TRIM66: variants seen among roughly 807,000 people sequenced by gnomAD.
The protein encoded by TRIM66 is tripartite motif containing 66.
A neutral mutation model predicts 148.2 loss-of-function variants in TRIM66; 99 were observed. That is an observed-to-expected ratio of 0.67 (90% CI 0.57 to 0.79). TRIM66 has a LOEUF of 0.79. Among genes scored for constraint, TRIM66 ranks in the 30% least tolerant of loss-of-function variants. The pLI, the probability that TRIM66 is intolerant of heterozygous loss-of-function variation, is 0.00. For missense variants in TRIM66, 1,666 were observed against 1,697.9 expected, an observed-to-expected ratio of 0.98 and a Z score of 0.33; for synonymous variants, 616 against 635.9, an observed-to-expected ratio of 0.97 and a Z score of 0.47.
intron 6 of TRIM66, chr11:8,663,010 C>G (rs907178773): frequency 3.3e-5 from 5 of 152,164 alleles, no homozygotes; most frequent in African/African-American, 7.2e-5. Context: ...GCCAAAAAAG[C>G]AAATAGCCCC....
At chr11:8,650,278 T>G (rs1020972842) in intron 7 of TRIM66, among the ~76,000 whole-genome samples, 4 of 151,228 alleles carry the variant, frequency 2.6e-5, no homozygotes, top group African/African-American at 9.7e-5. Flanking sequence ...GAGACTGAGG[T>G]GGGAAGATCG....
chr11:8,619,275 C>G (rs2033967709), intron 23 of TRIM66, 108 bp downstream of exon 23: 2 of 1,302,094 alleles, frequency 1.5e-6, no homozygotes, highest in Non-Finnish European at 2.1e-6. Flanking sequence ...AATCTGCTCC[C>G]CAGTCCTCAT....
intron 19 of TRIM66, 67 bp downstream of exon 19, chr11:8,621,578 C>G (rs1011386345): frequency 2.8e-6 from 4 of 1,453,004 alleles, no homozygotes; most frequent in Non-Finnish European, 1.8e-6. Context: ...AGAATTCGGG[C>G]AGTAGCAGAA....
intron 19 of TRIM66, 36 bp from the exon 20 acceptor site, chr11:8,621,357 A>C (rs1312539005): frequency 6.5e-7 from 1 of 1,531,520 alleles, no homozygotes. Context: ...GCCAGAGCAC[A>C]GAACCAACAA....
At position 8,646,576 on chromosome 11, in the gene TRIM66, G is replaced by A; in HGVS notation, c.843-15C>T. 6.5e-7 allele frequency: 1 copy of A among 1,541,478 alleles called. No homozygotes were observed. Among genetic ancestry groups the A allele is most frequent in the Non-Finnish European group, 8.8e-7 (1 of 1,137,746 alleles). ...CTTCAAAAATCCTGTAAACACAATG[G>A]GACAAACCATGGTAAGCTTTCCTCA... On this transcript the variant is annotated splice_polypyrimidine_tract_variant and intron_variant, in intron 10 of 24. Coordinates refer to ENST00000646038, the MANE Select transcript of TRIM66 (RefSeq NM_001388022.1).
intron 8 of TRIM66, among the ~76,000 whole-genome samples, chr11:8,649,046 A>T (rs963435554): frequency 6.6e-6 from 1 of 152,252 alleles, no homozygotes; most frequent in African/African-American, 2.4e-5. Context: ...TTGTCATTTA[A>T]AACAGATGGT....
intron 13 of TRIM66, among the ~76,000 whole-genome samples, chr11:8,642,150 A>G (rs1027477376): frequency 1.3e-5 from 2 of 151,610 alleles, no homozygotes; most frequent in South Asian, 4.2e-4. Flanking sequence ...CAGTCTAATG[A>G]CTCCTTCCTC....
chr11:8,661,048 C>T (rs1349151309), intron 6 of TRIM66, among the ~76,000 whole-genome samples: 3 of 152,072 alleles, frequency 2.0e-5, no homozygotes, highest in Non-Finnish European at 2.9e-5. Flanking sequence ...GAAGTGTAGT[C>T]CCGGAGTCAG....
At chr11:8,670,007 G>GTTTTTTT (rs752586311) in intron 6 of TRIM66, among the ~76,000 whole-genome samples, 8 of 138,474 alleles carry the variant, frequency 5.8e-5, no homozygotes, top group African/African-American at 8.1e-5. Context: ...GTCTTGTTTT[G>GTTTTTTT]TTTTTATTTA....
At position 8,613,971 on chromosome 11, in the gene TRIM66, T is replaced by C. The variant is rs1334889870; in HGVS notation, c.*3973A>G. ...CTGCCAACTGTGAATCTGTCATGCA[T>C]AGCAGCCCAGGAGGTGGAAGCAGCA... On this transcript the variant is annotated 3_prime_UTR_variant, in exon 25 of 25. Transcript: ENST00000646038. 3 of 152,226 alleles carry C rather than the reference T, an allele frequency of 2.0e-5. No individual in the cohort carries two copies. Among genetic ancestry groups the C allele is most frequent in the Admixed American group, 6.5e-5 (1 of 15,286 alleles). The allele number at this position is 152,226 out of a possible 1,614,324, so 9.4% of individuals were successfully genotyped here.
chr11:8,673,677 C>T (rs2039049685), intron 4 of TRIM66, among the ~76,000 whole-genome samples: 1 of 152,182 alleles, frequency 6.6e-6, no homozygotes, highest in Admixed American at 6.5e-5. Flanking sequence ...ACATCACATA[C>T]ATGTGAAATT....
intron 6 of TRIM66, among the ~76,000 whole-genome samples, chr11:8,653,826 G>A (rs1391154686): frequency 6.6e-6 from 1 of 151,864 alleles, no homozygotes; most frequent in East Asian, 1.9e-4. Context: ...AAAACTTTCT[G>A]AGTTTTTGCA....
At chr11:8,626,766 C>T in intron 15 of TRIM66, among the ~76,000 whole-genome samples, 1 of 152,208 alleles carries the variant, frequency 6.6e-6, no homozygotes, top group East Asian at 1.9e-4. Context: ...AAATCCTTAA[C>T]AAGACTCCCG....
intron 6 of TRIM66, among the ~76,000 whole-genome samples, chr11:8,654,943 C>T (rs1436525747): frequency 6.6e-6 from 1 of 152,130 alleles, no homozygotes; most frequent in Non-Finnish European, 1.5e-5. Context: ...TCACTGCAAC[C>T]TCCGCCTCCT....
rs1208171486 is a variant in TRIM66 at position 8,620,035 on chromosome 11, C to T, written c.3747+15G>A. 8 of 1,550,642 alleles carry T rather than the reference C, an allele frequency of 5.2e-6. No homozygotes were observed. The highest frequency in any genetic ancestry group is 1.4e-5 in the African/African-American group (1 of 72,998). On this transcript the variant is annotated intron_variant, in intron 22 of 24. Coordinates refer to ENST00000646038, the MANE Select transcript of TRIM66 (RefSeq NM_001388022.1). Reference sequence around the variant, plus strand: ...ATGCAAGGAGAAGGTGAGAGAACAGCGTGGCCTTCCTTACCAGGGGGCTGA... The same window carrying T: ...ATGCAAGGAGAAGGTGAGAGAACAGTGTGGCCTTCCTTACCAGGGGGCTGA...
intron 16 of TRIM66, 59 bp downstream of exon 16, chr11:8,624,654 C>A (rs2034635486): frequency 2.0e-6 from 3 of 1,474,574 alleles, no homozygotes; most frequent in African/African-American, 2.8e-5. Context: ...GTCCCAGTGG[C>A]CAATCTTTTG....
intron 6 of TRIM66, among the ~76,000 whole-genome samples, chr11:8,657,370 C>A (rs2037917637): frequency 6.6e-6 from 1 of 152,170 alleles, no homozygotes; most frequent in Admixed American, 6.5e-5. Context: ...GAGCCTGATG[C>A]TCCTCCGCTA....
chr11:8,653,463 A>G (rs901905377), intron 6 of TRIM66, among the ~76,000 whole-genome samples: 3 of 152,310 alleles, frequency 2.0e-5, no homozygotes, highest in Admixed American at 2.0e-4. Context: ...ATGAGAGATC[A>G]TGCAGAGAAA....
chr11:8,625,071 G>T lies in TRIM66; in HGVS notation c.2468C>A (p.Pro823His), dbSNP rs777820907. 1.3e-5 allele frequency: 20 copies of T among 1,551,630 alleles called. No individual in the cohort carries two copies. The South Asian group carries it at 1.4e-4, about 11-fold the overall frequency. Residue 823 changes from proline to histidine, a missense_variant, in exon 16 of 25, where the codon CCC (proline) becomes CAC (histidine). Pro to His is a moderately conservative substitution (Grantham distance 77). Coordinates refer to ENST00000646038, the MANE Select transcript of TRIM66 (RefSeq NM_001388022.1). Reference sequence around the variant, plus strand: ...ACTTGTCAGGCTGGACACCATTTTGGGGGGAGCACTCAGCAGGCTTGGTAC... The same window carrying T: ...ACTTGTCAGGCTGGACACCATTTTGTGGGGAGCACTCAGCAGGCTTGGTAC... ...QAVPSLLSAP[P>H]KMVSSLTSVQ...
Sources: gnomAD v4.1 joint callset for allele counts (sites outside exome capture counted in the v4.1 genomes callset) on GRCh38, gnomAD v4.1.1 for gene constraint, MANE v1.5 for transcripts, NCBI Gene and HGNC (gene_info 2026-07-23, HGNC 2026-07-21) for gene names.